DNMT3B: variants seen among roughly 807,000 people sequenced by gnomAD.
The protein encoded by DNMT3B is DNA methyltransferase 3 beta.
In DNMT3B, 37 loss-of-function variants were observed where a neutral mutation model predicts 120.2. The observed-to-expected ratio is 0.31, with a 90% CI of 0.24 to 0.40. The LOEUF (loss-of-function observed/expected upper bound fraction) is 0.40, where lower values mean the gene tolerates loss of function less well. Ranked by LOEUF, DNMT3B falls within the 10% of genes least tolerant of loss-of-function variation. DNMT3B has a pLI of 1.00. For synonymous variants in DNMT3B, 412 were observed against 442.8 expected (o/e 0.93, Z 0.87); for missense variants, 878 against 1,137.3 (o/e 0.77, Z 3.28).
At position 32,798,510 on chromosome 20, in the gene DNMT3B, C is replaced by G. The variant is rs1156799209; in HGVS notation, c.1541C>G (p.Ala514Gly). 1 of 1,614,082 alleles carries G rather than the reference C, an allele frequency of 6.2e-7. No homozygotes were observed. Among genetic ancestry groups the G allele is most frequent in the African/African-American group, 1.3e-5 (1 of 74,944 alleles). ...LEVLVGTGTA[A>G]EAKLQEPWSC... ...GTGCTGGTGGGCACAGGCACAGCGG[C>G]CGAGGCCAAGCTTCAGGAGCCCTGG... Residue 514 changes from alanine to glycine, a missense_variant, in exon 15 of 23, where the codon GCC becomes GGC. By Grantham distance (60) the Ala-to-Gly change is moderately conservative. This residue lies in a region of DNMT3B where 334 missense variants were observed against 518.8 expected (regional missense o/e 0.64). Coordinates refer to ENST00000328111, the MANE Select transcript of DNMT3B (RefSeq NM_006892.4).
intron 22 of DNMT3B, 41 bp downstream of exon 22, chr20:32,806,368 A>G (rs1276910902): frequency 6.4e-7 from 1 of 1,567,210 alleles, no homozygotes; most frequent in East Asian, 2.3e-5. Flanking sequence ...TGTGTAGATC[A>G]AAACACAAAT....
At chr20:32,776,557 A>G (rs759146993) in intron 1 of DNMT3B, among the ~76,000 whole-genome samples, 4 of 152,138 alleles carry the variant, frequency 2.6e-5, no homozygotes, top group Non-Finnish European at 4.4e-5. Flanking sequence ...TTAAATTTGT[A>G]TGTTATTTAC....
At chr20:32,797,549 A>G (rs1159605995) in intron 14 of DNMT3B, among the ~76,000 whole-genome samples, 1 of 152,162 alleles carries the variant, frequency 6.6e-6, no homozygotes, top group Non-Finnish European at 1.5e-5. Context: ...CAGGGTGTAC[A>G]GTGACATGAT....
intron 22 of DNMT3B, among the ~76,000 whole-genome samples, chr20:32,806,756 G>A (rs866438223): frequency 6.6e-6 from 1 of 152,138 alleles, no homozygotes; most frequent in Non-Finnish European, 1.5e-5. Context: ...CTGTTTTGAT[G>A]CAAATAACCA....
At position 32,807,889 on chromosome 20, in the gene DNMT3B, T is replaced by C; in HGVS notation, c.2548T>C (p.Phe850Leu). 1 of 1,614,202 alleles carries C rather than the reference T, an allele frequency of 6.2e-7. No homozygotes were observed. Among genetic ancestry groups the C allele is most frequent in the South Asian group, 1.1e-5 (1 of 91,088 alleles). The part of the protein sequence containing the change: ...RHLFAPLKDY[F>L]ACE ...CCTCTTCGCCCCTCTGAAGGACTAC[T>C]TTGCATGTGAATAGTTCCAGCCAGG... Residue 850 changes from phenylalanine (F) to leucine (L), a missense_variant, in exon 23 of 23, where the codon TTT (phenylalanine) becomes CTT (leucine). Phe to Leu is a conservative substitution (Grantham distance 22). This residue lies in a region of DNMT3B where 334 missense variants were observed against 518.8 expected (regional missense o/e 0.64). Transcript: ENST00000328111.
chr20:32,767,458 C>G (rs1020829853), intron 1 of DNMT3B, among the ~76,000 whole-genome samples: 2 of 151,550 alleles, frequency 1.3e-5, no homozygotes, highest in African/African-American at 2.4e-5. Context: ...TGAGACAAGT[C>G]TCGCATTGTC....
chr20:32,787,825 G>A (rs1568840962), intron 6 of DNMT3B, among the ~76,000 whole-genome samples: 1 of 152,160 alleles, frequency 6.6e-6, no homozygotes, highest in African/African-American at 2.4e-5. Context: ...GGTGGGCTGA[G>A]TCCAAAAGAG....
At chr20:32,787,198 C>G (rs1224536636) in intron 5 of DNMT3B, 32 bp from the exon 6 acceptor site, 2 of 1,613,990 alleles carry the variant, frequency 1.2e-6, no homozygotes. Context: ...ATCCTTTGCT[C>G]TGGCCCAAAC....
rs1201042478 is a variant in DNMT3B at position 32,779,209 on chromosome 20, A to AT, written c.-6-1104dup. Among the ~76,000 whole-genome samples, 4 of 152,180 alleles carry AT rather than the reference A, an allele frequency of 2.6e-5. No individual in the cohort carries two copies. The East Asian group carries it at 7.7e-4, about 29-fold the overall frequency. On this transcript the variant is annotated intron_variant, in intron 1 of 22. Transcript: ENST00000328111. Reference sequence around the variant, plus strand: ...CTCATTATGCCTAGGCTTTTATAATATTTTTGCCAACCAAAGGTGGAACAA... The same window carrying AT: ...CTCATTATGCCTAGGCTTTTATAATATTTTTTGCCAACCAAAGGTGGAACAA...
At chr20:32,793,411 T>G in intron 9 of DNMT3B, 125 bp from the exon 10 acceptor site, 1 of 1,081,152 alleles carries the variant, frequency 9.2e-7, no homozygotes. Flanking sequence ...GAGGTTGCAG[T>G]GCGCCGAGAT....
At chr20:32,804,917 G>A (rs990991628) in intron 20 of DNMT3B, among the ~76,000 whole-genome samples, 1 of 152,038 alleles carries the variant, frequency 6.6e-6, no homozygotes, top group African/African-American at 2.4e-5. Flanking sequence ...CAAACCGTGG[G>A]TGTGATATGA....
Position 32,808,845 on chromosome 20 carries a change from A to T in DNMT3B, c.*942A>T, listed in dbSNP as rs55901282. 1,039 of 227,374 alleles carry T rather than the reference A, an allele frequency of 4.6e-3. 5 individuals are homozygous for T. Among genetic ancestry groups the T allele is most frequent in the Middle Eastern group, 0.013 (10 of 754 alleles). The allele number at this position is 227,374 out of a possible 1,614,324, so 14.1% of individuals were successfully genotyped here. A position where few individuals can be genotyped will look rare whatever the true frequency, so the allele number is the denominator to read the frequency against. On this transcript the variant is annotated 3_prime_UTR_variant, in exon 23 of 23. Transcript: ENST00000328111. ...CTCCACAGGCACAGGTCCCCAGATGAGAAGTCTGCTACCCTCATTTCTCAT... is the reference window on the plus strand; with the variant it reads ...CTCCACAGGCACAGGTCCCCAGATGTGAAGTCTGCTACCCTCATTTCTCAT...
At chr20:32,801,531 G>A (rs577049438) in intron 19 of DNMT3B, 105 bp downstream of exon 19, 29 of 1,475,396 alleles carry the variant, frequency 2.0e-5, no homozygotes, top group Middle Eastern at 2.4e-4. Flanking sequence ...TGACTTTCCC[G>A]TTCTTGGTCT....
Position 32,797,166 on chromosome 20 carries a change from G to A in DNMT3B, c.1378-21G>A, listed in dbSNP as rs775962061. 9.3e-6 allele frequency: 15 copies of A among 1,612,278 alleles called. No individual in the cohort carries two copies. The South Asian group carries it at 1.3e-4, about 14-fold the overall frequency. The stretch of plus-strand genomic sequence containing the variant: ...CCTTCTCTGGTCTCCGATTTCACTG[G>A]TGTTTCTCTCTGGCTGCCAGGATCG... On this transcript the variant is annotated intron_variant, in intron 13 of 22. Transcript: ENST00000328111.
At position 32,773,677 on chromosome 20, in the gene DNMT3B, C is replaced by T. The variant is rs183577011; in HGVS notation, c.-6-6641C>T. 2.7e-4 allele frequency among the ~76,000 whole-genome samples: 41 copies of T among 149,618 alleles called. No homozygotes were observed. The East Asian group carries it at 6.7e-3, about 24-fold the overall frequency. On this transcript the variant is annotated intron_variant, in intron 1 of 22. Coordinates refer to ENST00000328111, the MANE Select transcript of DNMT3B (RefSeq NM_006892.4). Reference sequence around the variant, plus strand: ...CTGGGCCTAGAGTGCAGTGGCATGACGATAGCTTTACTGCAGCCTCAACTT... The same window carrying T: ...CTGGGCCTAGAGTGCAGTGGCATGATGATAGCTTTACTGCAGCCTCAACTT...
chr20:32,797,616 C>T (rs1156921712), intron 14 of DNMT3B, among the ~76,000 whole-genome samples: 2 of 152,066 alleles, frequency 1.3e-5, no homozygotes, highest in African/African-American at 4.8e-5. Context: ...ACCTCAGCCT[C>T]CTGAACAGCT....
intron 14 of DNMT3B, 141 bp from the exon 15 acceptor site, chr20:32,798,319 C>A: frequency 9.9e-7 from 1 of 1,010,832 alleles, no homozygotes; most frequent in South Asian, 1.4e-5. Flanking sequence ...CTGCACAGGG[C>A]CCCGCAGGCT....
chr20:32,785,838 G>A (rs911436291), intron 4 of DNMT3B, among the ~76,000 whole-genome samples: 1 of 151,798 alleles, frequency 6.6e-6, no homozygotes, highest in Admixed American at 6.6e-5. Flanking sequence ...TGACATAAAA[G>A]TTTATTTTAG....
At chr20:32,770,480 T>C (rs532499769) in intron 1 of DNMT3B, among the ~76,000 whole-genome samples, 3 of 151,488 alleles carry the variant, frequency 2.0e-5, no homozygotes, top group African/African-American at 7.3e-5. Context: ...TTTGTTGTTG[T>C]TGTTTTAGTA....
Sources: gnomAD v4.1 joint callset for allele counts (sites outside exome capture counted in the v4.1 genomes callset) on GRCh38, gnomAD v4.1.1 for gene constraint, gnomAD v4.1.1 regional missense constraint, MANE v1.5 for transcripts, NCBI Gene and HGNC (gene_info 2026-07-23, HGNC 2026-07-21) for gene names.